Variants in ZNF618 observed in about 807,000 individuals in gnomAD.
ZNF618 encodes zinc finger protein 618.
A neutral mutation model predicts 103.0 loss-of-function variants in ZNF618; 34 were observed. The ratio of observed to expected loss-of-function variants is 0.33; its 90% CI spans 0.25 to 0.44. ZNF618 has a LOEUF of 0.44. Ranked by LOEUF, ZNF618 falls within the 20% of genes least tolerant of loss-of-function variation. ZNF618 has a pLI of 1.00. For synonymous variants in ZNF618, 551 were observed against 542.2 expected (o/e 1.02, Z -0.23); for missense variants, 1,059 against 1,295.4 (o/e 0.82, Z 2.80).
intron 2 of ZNF618, among the ~76,000 whole-genome samples, chr9:113,978,711 T>G (rs1838707487): frequency 6.6e-6 from 1 of 152,212 alleles, no homozygotes; most frequent in Non-Finnish European, 1.5e-5. Context: ...AGCCTAGACT[T>G]TGGAGTCAGA....
At position 114,005,318 on chromosome 9, in the gene ZNF618, A is replaced by AG. The variant is rs1841638245; in HGVS notation, c.551-2032_551-2031insG. Among the ~76,000 whole-genome samples, 8 of 152,218 alleles carry AG rather than the reference A, an allele frequency of 5.3e-5. No homozygotes were observed. The South Asian group carries it at 1.7e-3, about 32-fold the overall frequency. ...GAAAACGTGCTTTCACTGACAAAAA[A>AG]ATGATTCTGCTCTCCTTTTTGGGGA... On this transcript the variant is annotated intron_variant, in intron 6 of 14. Coordinates refer to ENST00000374126, the MANE Select transcript of ZNF618 (RefSeq NM_001318042.2).
At chr9:113,912,201 A>G (rs1248850120) in intron 1 of ZNF618, among the ~76,000 whole-genome samples, 1 of 152,206 alleles carries the variant, frequency 6.6e-6, no homozygotes, top group African/African-American at 2.4e-5. Flanking sequence ...CAGCCAGACC[A>G]GTGAGTGGCT....
chr9:113,884,416 C>T (rs1828854281), intron 1 of ZNF618, among the ~76,000 whole-genome samples: 1 of 152,132 alleles, frequency 6.6e-6, no homozygotes, highest in African/African-American at 2.4e-5. Context: ...GATGATGATG[C>T]ATAGGGTTCT....
chr9:114,000,354 T>A (rs1289127413), intron 4 of ZNF618, among the ~76,000 whole-genome samples: 3 of 152,108 alleles, frequency 2.0e-5, no homozygotes, highest in African/African-American at 7.2e-5. Context: ...AAAAAAAGGA[T>A]GTGTCCGAGA....
chr9:114,029,669 G>T (rs1564321273), intron 11 of ZNF618, among the ~76,000 whole-genome samples: 1 of 152,116 alleles, frequency 6.6e-6, no homozygotes, highest in Admixed American at 6.5e-5. Context: ...GATCTGCTCT[G>T]AACAAAGCAG....
chr9:114,028,797 G>A lies in ZNF618; in HGVS notation c.909G>A (p.Glu303=). 6.4e-7 allele frequency: 1 copy of A among 1,550,574 alleles called. No homozygotes were observed. The highest frequency in any genetic ancestry group is 8.7e-7 in the Non-Finnish European group (1 of 1,147,002). ...CGGGCTCTGAGTGTTCACATCCAGA[G>A]GTCTCCCCATCTCCACGCTTCGTGG... ...PDTGSECSHP[E]VSPSPRFVAA... is the part of the protein sequence containing the mutation. Residue 303 remains glutamate (E), a synonymous_variant, in exon 11 of 15, where the codon GAG becomes GAA. Coordinates refer to ENST00000374126, the MANE Select transcript of ZNF618 (RefSeq NM_001318042.2).
chr9:113,942,982 G>A (rs1027469889), intron 1 of ZNF618, among the ~76,000 whole-genome samples: 2 of 152,176 alleles, frequency 1.3e-5, no homozygotes, highest in Non-Finnish European at 2.9e-5. Flanking sequence ...AATTTATTTA[G>A]AGGAGTGTTT....
chr9:114,002,599 C>T, intron 5 of ZNF618, 25 bp from the exon 6 acceptor site: 1 of 1,586,018 alleles, frequency 6.3e-7, no homozygotes, highest in Non-Finnish European at 8.6e-7. Flanking sequence ...GCCCCACCCC[C>T]ATCCCTCTCT....
intron 9 of ZNF618, 118 bp from the exon 10 acceptor site, chr9:114,016,577 T>C (rs2133949276): frequency 4.1e-6 from 3 of 727,492 alleles, no homozygotes; most frequent in South Asian, 3.4e-5. Flanking sequence ...AGAGTCAGAA[T>C]TGATTCTAGT....
intron 12 of ZNF618, among the ~76,000 whole-genome samples, chr9:114,033,845 G>T (rs7035903): frequency 5.5e-4 from 58 of 105,920 alleles, no homozygotes; most frequent in African/African-American, 2.8e-3. Flanking sequence ...ACTGGGCTGG[G>T]CACTACTGCC....
intron 1 of ZNF618, among the ~76,000 whole-genome samples, chr9:113,906,089 C>CA (rs1830965255): frequency 6.6e-6 from 1 of 152,084 alleles, no homozygotes; most frequent in South Asian, 2.1e-4. Context: ...TAGAAGCCAC[C>CA]AGTGCTTCTT....
chr9:114,011,587 G>A (rs547944243), intron 9 of ZNF618, among the ~76,000 whole-genome samples: 3 of 152,310 alleles, frequency 2.0e-5, no homozygotes, highest in East Asian at 3.9e-4. Context: ...CTCCTGCTAC[G>A]TATAAGCAGG....
chr9:114,004,746 A>T (rs1841584491), intron 6 of ZNF618, among the ~76,000 whole-genome samples: 1 of 152,208 alleles, frequency 6.6e-6, no homozygotes. Flanking sequence ...GGAGTCATGG[A>T]GCCAAAAGGG....
chr9:113,984,710 C>T (rs1839297893), intron 2 of ZNF618, among the ~76,000 whole-genome samples: 1 of 152,198 alleles, frequency 6.6e-6, no homozygotes, highest in South Asian at 2.1e-4. Flanking sequence ...CATCTGTTTC[C>T]TCTCCTTCCA....
chr9:114,019,710 GT>G (rs927563234), intron 10 of ZNF618, among the ~76,000 whole-genome samples: 3 of 152,164 alleles, frequency 2.0e-5, no homozygotes, highest in African/African-American at 4.8e-5. Flanking sequence ...TTATTATTAA[GT>G]TGTAGGAGTT....
rs999665199 is a variant in ZNF618, at chr9:113,923,662, AC to A, written c.34-45454del. Among the ~76,000 whole-genome samples, 12 of 152,078 alleles carry A rather than the reference AC, an allele frequency of 7.9e-5. No individual in the cohort carries two copies. In the South Asian group the frequency reaches 8.3e-4, roughly 10 times the overall value. On this transcript the variant is annotated intron_variant, in intron 1 of 14. Coordinates refer to ENST00000374126, the MANE Select transcript of ZNF618 (RefSeq NM_001318042.2). The stretch of plus-strand genomic sequence containing the variant: ...TTGGTCAGGGCATACACTTTTTAAA[AC>A]ATTTTTAGGTTCAATTTTGTACTAT...
chr9:114,015,743 A>G (rs1333570824), intron 9 of ZNF618, among the ~76,000 whole-genome samples: 1 of 152,268 alleles, frequency 6.6e-6, no homozygotes, highest in East Asian at 1.9e-4. Context: ...AACAATTTCA[A>G]TGTCCCTTGG....
intron 1 of ZNF618, among the ~76,000 whole-genome samples, chr9:113,967,354 A>C (rs1339443192): frequency 6.6e-6 from 1 of 152,152 alleles, no homozygotes; most frequent in Non-Finnish European, 1.5e-5. Context: ...TGATATGCAA[A>C]CCATTTTCTG....
In ZNF618 at chr9:114,016,283, G is replaced by T; in HGVS notation, c.755-412G>T. 3.3e-6 allele frequency: 3 copies of T among 903,044 alleles called. No individual in the cohort carries two copies. In the South Asian group the frequency reaches 4.6e-5, roughly 14 times the overall value. 55.9% of individuals were successfully genotyped at this position (903,044 alleles called of 1,614,324 possible). A position where few individuals can be genotyped will look rare whatever the true frequency, so the allele number is the denominator to read the frequency against. On this transcript the variant is annotated intron_variant, in intron 9 of 14. Transcript: ENST00000374126. ...CTGGAGATGAGGGGACCCCGGGTGT[G>T]GCCACTGCAGAGGGCAGGGCTTGCA...
Sources: allele counts gnomAD v4.1 joint callset (sites outside exome capture counted in the v4.1 genomes callset), GRCh38; gene constraint gnomAD v4.1.1; transcripts MANE v1.5; gene names NCBI Gene and HGNC (gene_info 2026-07-23, HGNC 2026-07-21).